WDR47: variants seen among roughly 807,000 people sequenced by gnomAD.
WDR47 encodes the protein WD repeat domain 47.
In WDR47, 32 loss-of-function variants were observed where a neutral mutation model predicts 97.2. The ratio of observed to expected loss-of-function variants is 0.33; its 90% CI spans 0.25 to 0.44. WDR47 has a LOEUF of 0.44. Ranked by LOEUF, WDR47 falls within the 20% of genes least tolerant of loss-of-function variation. WDR47 has a pLI of 1.00. For synonymous variants in WDR47, 375 were observed against 373.5 expected (o/e 1.00, Z -0.05); for missense variants, 782 against 1,102.3 (o/e 0.71, Z 4.11).
chr1:108,986,813 A>G, intron 9 of WDR47, 133 bp from the exon 10 acceptor site: 2 of 738,662 alleles, frequency 2.7e-6, no homozygotes, highest in Non-Finnish European at 4.2e-6. Flanking sequence ...CAATAACCAT[A>G]TATTCTTTTC....
At chr1:108,997,372 G>C (rs571653383) in intron 7 of WDR47, among the ~76,000 whole-genome samples, 1 of 151,586 alleles carries the variant, frequency 6.6e-6, no homozygotes, top group African/African-American at 2.4e-5. Flanking sequence ...GGGCCCAGGA[G>C]GTCAAGGCTG....
chr1:109,031,002 C>G (rs1397554306), intron 1 of WDR47, among the ~76,000 whole-genome samples: 1 of 139,330 alleles, frequency 7.2e-6, no homozygotes. Flanking sequence ...ACTTACATTT[C>G]AATATCAGAA....
intron 2 of WDR47, among the ~76,000 whole-genome samples, chr1:109,019,719 C>T (rs1365480228): frequency 1.3e-5 from 2 of 152,106 alleles, no homozygotes; most frequent in Admixed American, 6.6e-5. Flanking sequence ...AAATCTACAG[C>T]TTTGAGAATA....
intron 5 of WDR47, among the ~76,000 whole-genome samples, chr1:109,006,831 T>C (rs1660659957): frequency 6.6e-6 from 1 of 152,210 alleles, no homozygotes; most frequent in Non-Finnish European, 1.5e-5. Flanking sequence ...TGGAAAGATA[T>C]CCTTTTAAAA....
At position 108,977,027 on chromosome 1, in the gene WDR47, G is replaced by A. The variant is rs569903854; in HGVS notation, c.2399-2273C>T. Among the ~76,000 whole-genome samples the A allele has an allele frequency of 4.6e-5, 7 of 152,324 alleles. 1 individual carries two copies. The highest frequency in any genetic ancestry group is 1.4e-4 in the African/African-American group (6 of 41,582). ...TACTTTGACTGCTACGTGGATTGCA[G>A]ACTAAAGGGAGCACAAGTGAAAGTG... is the stretch of plus-strand genomic sequence containing the variant. On this transcript the variant is annotated intron_variant, in intron 13 of 14. Coordinates refer to ENST00000369962, the MANE Select transcript of WDR47 (RefSeq NM_001142551.2).
At chr1:109,011,962 AAGAC>A (rs1661061045) in intron 4 of WDR47, among the ~76,000 whole-genome samples, 1 of 152,148 alleles carries the variant, frequency 6.6e-6, no homozygotes, top group Admixed American at 6.6e-5. Flanking sequence ...ATTCAGGCAT[AAGAC>A]AGGATCTCAC....
intron 7 of WDR47, among the ~76,000 whole-genome samples, chr1:108,996,855 T>C (rs1325132653): frequency 6.6e-6 from 1 of 152,164 alleles, no homozygotes; most frequent in African/African-American, 2.4e-5. Flanking sequence ...CGGTGACTCA[T>C]ACCTGTAATC....
At position 109,011,281 on chromosome 1, in the gene WDR47, GA is replaced by G; in HGVS notation, c.764del (p.Val255AlafsTer19). 1 of 1,614,120 alleles carries G rather than the reference GA, an allele frequency of 6.2e-7. No individual in the cohort carries two copies. The highest frequency in any genetic ancestry group is 8.5e-7 in the Non-Finnish European group (1 of 1,180,042). On this transcript the variant is annotated frameshift_variant, in exon 5 of 15. Transcript: ENST00000369962. LOFTEE classifies it high-confidence loss of function. ...LSWLQNLPSSVFSCAFEQKML... is the reference protein window; with the variant it reads ...LSWLQNLPSSXFSCAFEQKML... ...TTTTCTGTTCAAAAGCACAAGAGAA[GA>G]CAGAAGATGGAAGATTCTGAAGCCA...
chr1:108,981,697 T>C (rs763847020), intron 13 of WDR47, 36 bp downstream of exon 13: 30 of 1,572,710 alleles, frequency 1.9e-5, no homozygotes, highest in Non-Finnish European at 2.5e-5. Flanking sequence ...TTTACAAAGT[T>C]TTTTTCCCAT....
At chr1:109,030,381 AAAAATAAAAT>A in intron 1 of WDR47, 2 of 458,370 alleles carry the variant, frequency 4.4e-6, no homozygotes, top group Non-Finnish European at 7.5e-6. Context: ...GATAAAAATA[AAAAATAAAAT>A]AAAATAAAAT....
intron 13 of WDR47, among the ~76,000 whole-genome samples, chr1:108,978,408 G>A (rs1658091294): frequency 6.6e-6 from 1 of 152,020 alleles, no homozygotes; most frequent in Admixed American, 6.5e-5. Context: ...GAACCCGGGA[G>A]GCGGAGCTTG....
intron 1 of WDR47, among the ~76,000 whole-genome samples, chr1:109,026,907 T>C (rs1252027889): frequency 1.3e-5 from 2 of 152,192 alleles, no homozygotes; most frequent in South Asian, 4.1e-4. Context: ...ACATATTTTA[T>C]ACTGACAGTT....
At chr1:109,036,142 T>A (rs1187652514) in intron 1 of WDR47, among the ~76,000 whole-genome samples, 2 of 152,174 alleles carry the variant, frequency 1.3e-5, no homozygotes, top group African/African-American at 4.8e-5. Flanking sequence ...ATGCAAAAAC[T>A]ACTGGGTACT....
chr1:109,042,061 TC>T lies in WDR47; in HGVS notation c.-210del, dbSNP rs1411770113. 6.6e-6 allele frequency: 1 copy of T among 152,284 alleles called. No individual in the cohort carries two copies. The highest frequency in any genetic ancestry group is 1.5e-5 in the Non-Finnish European group (1 of 68,232). 9.4% of individuals were successfully genotyped at this position (152,284 alleles called of 1,614,324 possible). On this transcript the variant is annotated 5_prime_UTR_variant, in exon 1 of 15. Coordinates refer to ENST00000369962, the MANE Select transcript of WDR47 (RefSeq NM_001142551.2). ...AATCCGTCCTTCTCACGTCCGCCCC[TC>T]CCGGCCCAGCGACTCCTCAGCTCAG...
intron 14 of WDR47, among the ~76,000 whole-genome samples, chr1:108,971,977 A>G (rs968421658): frequency 6.6e-6 from 1 of 152,140 alleles, no homozygotes; most frequent in Non-Finnish European, 1.5e-5. Context: ...ATGGCCATTT[A>G]TATATTTACA....
chr1:108,982,089 G>GA (rs1557917279), intron 12 of WDR47, among the ~76,000 whole-genome samples: 2 of 151,328 alleles, frequency 1.3e-5, no homozygotes, highest in Admixed American at 6.6e-5. Context: ...CCCTGTATCT[G>GA]AAAAAAAAGA....
At chr1:109,023,093 C>A (rs532944131) in intron 2 of WDR47, among the ~76,000 whole-genome samples, 5 of 151,596 alleles carry the variant, frequency 3.3e-5, no homozygotes, top group African/African-American at 1.2e-4. Flanking sequence ...GTCCCAGCTA[C>A]GCAGGAGGCT....
At chr1:109,007,668 C>T (rs1161750953) in intron 5 of WDR47, among the ~76,000 whole-genome samples, 1 of 152,144 alleles carries the variant, frequency 6.6e-6, no homozygotes, top group Non-Finnish European at 1.5e-5. Context: ...TGCCACTCTA[C>T]TAGAAGCTTT....
At chr1:108,995,331 C>T (rs1229872615) in intron 8 of WDR47, among the ~76,000 whole-genome samples, 1 of 151,552 alleles carries the variant, frequency 6.6e-6, no homozygotes, top group Non-Finnish European at 1.5e-5. Flanking sequence ...AGTAGGATGG[C>T]TTATAAAAAA....
Sources: gnomAD v4.1 joint callset for allele counts (sites outside exome capture counted in the v4.1 genomes callset) on GRCh38, gnomAD v4.1.1 for gene constraint, MANE v1.5 for transcripts, NCBI Gene and HGNC (gene_info 2026-07-23, HGNC 2026-07-21) for gene names.